Variants in BARX2 observed in about 807,000 individuals in gnomAD.
BARX2 encodes the protein BARX homeobox 2.
A neutral mutation model predicts 25.5 loss-of-function variants in BARX2; 11 were observed. That is an observed-to-expected ratio of 0.43 (90% CI 0.27 to 0.71). The LOEUF (loss-of-function observed/expected upper bound fraction) is 0.71, where lower values mean the gene tolerates loss of function less well. Ranked by LOEUF, BARX2 falls within the 30% of genes least tolerant of loss-of-function variation. The probability of loss-of-function intolerance (pLI) is 0.19; values close to 1 mark genes in which losing one functional copy is unlikely to be tolerated. For missense variants in BARX2, 360 were observed against 359.9 expected, an observed-to-expected ratio of 1.00 and a Z score of 0.00; for synonymous variants, 137 against 149.5, an observed-to-expected ratio of 0.92 and a Z score of 0.61.
chr11:129,402,592 G>A (rs1387593092), intron 1 of BARX2, among the ~76,000 whole-genome samples: 1 of 152,158 alleles, frequency 6.6e-6, no homozygotes, highest in East Asian at 1.9e-4. Flanking sequence ...AGAAAAATGA[G>A]CTATTCATGA....
intron 1 of BARX2, among the ~76,000 whole-genome samples, chr11:129,403,798 G>T (rs1373466815): frequency 1.3e-5 from 2 of 152,112 alleles, no homozygotes; most frequent in Non-Finnish European, 2.9e-5. Context: ...ATAGCTTACT[G>T]CAGTCTTGAA....
intron 3 of BARX2, among the ~76,000 whole-genome samples, chr11:129,450,809 C>T (rs958518353): frequency 6.6e-6 from 1 of 152,076 alleles, no homozygotes; most frequent in Non-Finnish European, 1.5e-5. Flanking sequence ...TTATTGTTGT[C>T]TTTTTAGCTT....
At chr11:129,423,053 T>A (rs970288133) in intron 1 of BARX2, among the ~76,000 whole-genome samples, 4 of 151,838 alleles carry the variant, frequency 2.6e-5, no homozygotes, top group African/African-American at 7.3e-5. Context: ...TGCAACTAAG[T>A]CAAGCCATAG....
chr11:129,383,579 G>A (rs763220625), intron 1 of BARX2, among the ~76,000 whole-genome samples: 2 of 152,212 alleles, frequency 1.3e-5, no homozygotes, highest in Non-Finnish European at 2.9e-5. Flanking sequence ...GCCCCTGCCA[G>A]TCACCAGTTG....
chr11:129,394,271 A>G (rs1861695870), intron 1 of BARX2, among the ~76,000 whole-genome samples: 1 of 152,182 alleles, frequency 6.6e-6, no homozygotes, highest in Non-Finnish European at 1.5e-5. Flanking sequence ...TACATAAACC[A>G]TACTGTTTAT....
At chr11:129,441,656 G>A (rs1052058529) in intron 2 of BARX2, among the ~76,000 whole-genome samples, 2 of 152,020 alleles carry the variant, frequency 1.3e-5, no homozygotes, top group East Asian at 3.9e-4. Context: ...CACCATGTTG[G>A]CCAGGCTGGT....
rs1191370714 is a variant in BARX2, at chr11:129,434,387, C to G, written c.188-2364C>G. 2.9e-5 allele frequency among the ~76,000 whole-genome samples: 4 copies of G among 137,736 alleles called. No individual in the cohort carries two copies. In the East Asian group the frequency reaches 6.3e-4, roughly 22 times the overall value. The allele number at this position is 137,736 out of a possible 152,430, so 90.4% of individuals were successfully genotyped here. ...CAAAACCAGCCTGGGCAACAGAGACCCTGTCTCTACTTTAAAAAAAAAAAA... is the reference window on the plus strand; with the variant it reads ...CAAAACCAGCCTGGGCAACAGAGACGCTGTCTCTACTTTAAAAAAAAAAAA... On this transcript the variant is annotated intron_variant, in intron 1 of 3. Coordinates refer to ENST00000281437, the MANE Select transcript of BARX2 (RefSeq NM_003658.5).
At position 129,376,605 on chromosome 11, in the gene BARX2, A is replaced by G. The variant is rs1283017329; in HGVS notation, c.187+383A>G. 1.3e-5 allele frequency among the ~76,000 whole-genome samples: 2 copies of G among 152,242 alleles called. No individual in the cohort carries two copies. The highest frequency in any genetic ancestry group is 6.5e-5 in the Admixed American group (1 of 15,284). On this transcript the variant is annotated intron_variant, in intron 1 of 3. Coordinates refer to ENST00000281437, the MANE Select transcript of BARX2 (RefSeq NM_003658.5). This position sits in a 1 kb window ranked among gnomAD's most constrained non-coding sequence, Gnocchi z 4.2. The stretch of plus-strand genomic sequence containing the variant: ...TCAAACTTGAGCTTGGCGGCCTTGC[A>G]TCTCACCTTGAGTTAACTTGTCCAG...
rs1227569326 is a variant in BARX2 at position 129,376,088 on chromosome 11, C to G, written c.53C>G (p.Ala18Gly). 6.2e-7 allele frequency: 1 copy of G among 1,611,044 alleles called. No homozygotes were observed. The highest frequency in any genetic ancestry group is 2.3e-5 in the East Asian group (1 of 44,398). ...AGCTCGCCCGGCCAGCTCAAAGCAG[C>G]CAGGCGGCGCTACAAGACTTTCATG... Reference protein sequence around the residue: ...RLSSPGQLKAARRRYKTFMID... With the variant: ...RLSSPGQLKAGRRRYKTFMID... The change falls in exon 1 of 4, where the codon GCC (alanine) becomes GGC (glycine). Residue 18 changes from alanine (A) to glycine (G), a missense_variant. Ala to Gly is a moderately conservative substitution (Grantham distance 60, BLOSUM62 0). Coordinates refer to ENST00000281437, the MANE Select transcript of BARX2 (RefSeq NM_003658.5). The surrounding 1 kb of genome is among the most constrained non-coding windows in gnomAD (Gnocchi z 4.2).
chr11:129,411,744 C>T (rs1334872662), intron 1 of BARX2, among the ~76,000 whole-genome samples: 2 of 152,214 alleles, frequency 1.3e-5, no homozygotes, highest in East Asian at 1.9e-4. Context: ...TCACCAGGCC[C>T]GGCCACAGGC....
intron 1 of BARX2, among the ~76,000 whole-genome samples, chr11:129,398,421 G>T (rs1861743759): frequency 2.0e-5 from 3 of 152,078 alleles, no homozygotes; most frequent in Admixed American, 1.3e-4. Context: ...TTCTCTTTTT[G>T]GACAGAGATA....
intron 1 of BARX2, among the ~76,000 whole-genome samples, chr11:129,413,961 G>A (rs1025744021): frequency 4.6e-5 from 7 of 152,040 alleles, no homozygotes; most frequent in African/African-American, 7.2e-5. Flanking sequence ...AGCTACTGGG[G>A]AGGCTGAGGC....
rs536163549 is a variant in BARX2 at position 129,375,962 on chromosome 11, G to T, written c.-74G>T. 1.2e-5 allele frequency: 11 copies of T among 950,450 alleles called. No homozygotes were observed. In the East Asian group the frequency reaches 3.6e-4, roughly 31 times the overall value. The allele number at this position is 950,450 out of a possible 1,614,324, so 58.9% of individuals were successfully genotyped here. A position where few individuals can be genotyped will look rare whatever the true frequency, so the allele number is the denominator to read the frequency against. On this transcript the variant is annotated 5_prime_UTR_variant, in exon 1 of 4. Coordinates refer to ENST00000281437, the MANE Select transcript of BARX2 (RefSeq NM_003658.5). This position sits in a 1 kb window ranked among gnomAD's most constrained non-coding sequence, Gnocchi z 4.0. ...AGCGGGGCCCAGGCCCCGCCGTCGC[G>T]CCAGCCCCGCGGCCCCAGCGGGCCG...
chr11:129,384,231 CT>C (rs528388676), intron 1 of BARX2, among the ~76,000 whole-genome samples: 215 of 146,536 alleles, frequency 1.5e-3, no homozygotes, highest in African/African-American at 2.8e-3. Flanking sequence ...CATTTCTGAT[CT>C]TTTTTTTTTT....
chr11:129,445,579 G>C (rs1307932491), intron 3 of BARX2, among the ~76,000 whole-genome samples: 1 of 152,136 alleles, frequency 6.6e-6, no homozygotes, highest in Non-Finnish European at 1.5e-5. Flanking sequence ...TCACCTTCAG[G>C]TCCCTTTAGG....
At chr11:129,382,945 G>GGCCTGCCTGTCGGT (rs1248022493) in intron 1 of BARX2, among the ~76,000 whole-genome samples, 10 of 152,296 alleles carry the variant, frequency 6.6e-5, no homozygotes, top group Non-Finnish European at 1.2e-4. Context: ...AAGCACCTTG[G>GGCCTGCCTGTCGGT]GCCTGCCTGT....
intron 2 of BARX2, among the ~76,000 whole-genome samples, chr11:129,441,412 A>G (rs190675281): frequency 6.6e-6 from 1 of 152,264 alleles, no homozygotes; most frequent in East Asian, 1.9e-4. Context: ...TGTGACAACT[A>G]CCCAATTCTG....
Position 129,400,877 on chromosome 11 carries a change from A to C in BARX2, c.187+24655A>C, listed in dbSNP as rs7952695. Reference sequence around the variant, plus strand: ...TGTCTAAGCAAAAGCCTACCCAGAGAGATAAAGAAAGATTAGAAAAGAGAG... The same window carrying C: ...TGTCTAAGCAAAAGCCTACCCAGAGCGATAAAGAAAGATTAGAAAAGAGAG... On this transcript the variant is annotated intron_variant, in intron 1 of 3. Transcript: ENST00000281437. Among the ~76,000 whole-genome samples the C allele has an allele frequency of 8.9e-3, 1,356 of 152,330 alleles. 23 individuals are homozygous for C. The highest frequency in any genetic ancestry group is 0.031 in the African/African-American group (1,294 of 41,558).
chr11:129,416,251 A>G (rs1311931984), intron 1 of BARX2, among the ~76,000 whole-genome samples: 1 of 151,984 alleles, frequency 6.6e-6, no homozygotes, highest in Non-Finnish European at 1.5e-5. Context: ...CGTGTCGTAG[A>G]TTGTTGACCT....
Sources: allele counts gnomAD v4.1 joint callset (sites outside exome capture counted in the v4.1 genomes callset), GRCh38; gene constraint gnomAD v4.1.1; non-coding constraint Gnocchi (gnomAD v3.1); transcripts MANE v1.5; gene names NCBI Gene and HGNC (gene_info 2026-07-23, HGNC 2026-07-21).